Variants in WIPF2 observed in about 807,000 individuals in gnomAD.
The protein encoded by WIPF2 is WAS/WASL interacting protein family member 2.
WIPF2 carries 23 observed loss-of-function variants against 38.8 expected under a neutral mutation model. That is an observed-to-expected ratio of 0.59 (90% CI 0.43 to 0.84). The LOEUF (loss-of-function observed/expected upper bound fraction) is 0.84, where lower values mean the gene tolerates loss of function less well. WIPF2 is among the 40% of genes least tolerant of loss of function. WIPF2 has a pLI of 0.00. For missense variants in WIPF2, 574 were observed against 580.5 expected (o/e 0.99, Z 0.11); for synonymous variants, 210 against 223.2 (o/e 0.94, Z 0.53).
intron 5 of WIPF2, among the ~76,000 whole-genome samples, chr17:40,273,272 C>T (rs1209584530): frequency 1.3e-5 from 2 of 152,060 alleles, no homozygotes; most frequent in Admixed American, 6.6e-5. Flanking sequence ...TGAGCTCAGG[C>T]AATCCTCCCG....
In WIPF2 at chr17:40,280,882, A is replaced by G. The variant is rs1378932360; in HGVS notation, c.*2657A>G. 1 of 152,544 alleles carries G rather than the reference A, an allele frequency of 6.6e-6. No homozygotes were observed. Among genetic ancestry groups the G allele is most frequent in the Non-Finnish European group, 1.5e-5 (1 of 68,012 alleles). The allele number at this position is 152,544 out of a possible 1,614,324, so 9.4% of individuals were successfully genotyped here. ...TAGTCAGATGAGTTTTTTTTAGAGC[A>G]TGTTGATGATACAACACCTGTTTAA... On this transcript the variant is annotated 3_prime_UTR_variant, in exon 8 of 8. Coordinates refer to ENST00000323571, the MANE Select transcript of WIPF2 (RefSeq NM_133264.5).
chr17:40,262,404 A>G (rs1268697776), intron 3 of WIPF2, 121 bp from the exon 4 acceptor site: 2 of 746,724 alleles, frequency 2.7e-6, no homozygotes, highest in Non-Finnish European at 2.2e-6. Flanking sequence ...ATAGAAGGGC[A>G]AAAACAAGAC....
intron 1 of WIPF2, among the ~76,000 whole-genome samples, chr17:40,251,512 CAT>C (rs1414257767): frequency 2.0e-5 from 3 of 152,084 alleles, no homozygotes; most frequent in Non-Finnish European, 4.4e-5. Flanking sequence ...TTCTTGGAAA[CAT>C]ATAGAGAACT....
rs2031461613 is a variant in WIPF2 at position 40,248,802 on chromosome 17, C to T, written c.-69-7589C>T. Among the ~76,000 whole-genome samples the T allele has an allele frequency of 2.6e-5, 4 of 152,174 alleles. No homozygotes were observed. The South Asian group carries it at 8.3e-4, about 32-fold the overall frequency. Reference sequence around the variant, plus strand: ...TGTTGTGGTTTTTTCAGAGAGGATCCTGAAATTTGTTTTACCTATCTCTGT... The same window carrying T: ...TGTTGTGGTTTTTTCAGAGAGGATCTTGAAATTTGTTTTACCTATCTCTGT... On this transcript the variant is annotated intron_variant, in intron 1 of 7. Coordinates refer to ENST00000323571, the MANE Select transcript of WIPF2 (RefSeq NM_133264.5).
intron 5 of WIPF2, among the ~76,000 whole-genome samples, chr17:40,272,285 C>T (rs2032273248): frequency 6.6e-6 from 1 of 152,138 alleles, no homozygotes; most frequent in South Asian, 2.1e-4. Context: ...TCCCAAAGTG[C>T]TGGGATTACA....
chr17:40,282,063 C>G lies in WIPF2; in HGVS notation c.*3838C>G, dbSNP rs893483911. ...ACAACTCTGCCTTCAAGACTCATCTCTTAAAAACAAAACGAAACAAAACTA... is the reference window on the plus strand; with the variant it reads ...ACAACTCTGCCTTCAAGACTCATCTGTTAAAAACAAAACGAAACAAAACTA... On this transcript the variant is annotated 3_prime_UTR_variant, in exon 8 of 8. Transcript: ENST00000323571. 3.1e-5 allele frequency: 4 copies of G among 130,062 alleles called. No individual in the cohort carries two copies. The highest frequency in any genetic ancestry group is 1.2e-4 in the African/African-American group (4 of 33,002). 8.1% of individuals were successfully genotyped at this position (130,062 alleles called of 1,614,324 possible).
intron 5 of WIPF2, among the ~76,000 whole-genome samples, chr17:40,271,254 A>T (rs1178242805): frequency 6.6e-6 from 1 of 152,110 alleles, no homozygotes; most frequent in Admixed American, 6.6e-5. Flanking sequence ...GGGATTACAG[A>T]TGTGAGCCAC....
chr17:40,273,497 A>G (rs1310191564), intron 5 of WIPF2: 6 of 385,030 alleles, frequency 1.6e-5, no homozygotes, highest in Non-Finnish European at 2.8e-5. Flanking sequence ...GAACAGGCTA[A>G]ATATAAGGAA....
At position 40,264,980 on chromosome 17, in the gene WIPF2, C is replaced by A. The variant is rs2032039495; in HGVS notation, c.804C>A (p.Pro268=). The A allele has an allele frequency of 6.2e-7, 1 of 1,614,084 alleles. No individual in the cohort carries two copies. The highest frequency in any genetic ancestry group is 1.7e-5 in the Admixed American group (1 of 60,004). The part of the protein sequence containing the change: ...PPGVPNGPSS[P]TNESAPELPQ... Reference sequence around the variant, plus strand: ...GGGTCCCCAATGGACCCTCTAGCCCCACTAATGAGTCAGCCCCTGAGCTGC... The same window carrying A: ...GGGTCCCCAATGGACCCTCTAGCCCAACTAATGAGTCAGCCCCTGAGCTGC... Residue 268 remains proline (P), a synonymous_variant, in exon 5 of 8, where the codon CCC becomes CCA. Transcript: ENST00000323571.
At position 40,261,669 on chromosome 17, in the gene WIPF2, T is replaced by G. The variant is rs1341920296; in HGVS notation, c.197-856T>G. On this transcript the variant is annotated intron_variant, in intron 3 of 7. Transcript: ENST00000323571. ...GAAGATCGGCCACTTGTTGTTGTTG[T>G]TTTTTTTTTTTGGTTTTTTTTGTTT... Among the ~76,000 whole-genome samples the G allele has an allele frequency of 8.1e-5, 11 of 134,994 alleles. 1 individual carries two copies. Among genetic ancestry groups the G allele is most frequent in the Admixed American group, 3.0e-4 (4 of 13,378 alleles). The allele number at this position is 134,994 out of a possible 152,430, so 88.6% of individuals were successfully genotyped here.
intron 1 of WIPF2, among the ~76,000 whole-genome samples, chr17:40,253,842 A>T (rs1316652547): frequency 6.6e-6 from 1 of 151,808 alleles, no homozygotes; most frequent in African/African-American, 2.4e-5. Context: ...ATCAAATTCT[A>T]CTCTCCTGCA....
At position 40,279,726 on chromosome 17, in the gene WIPF2, G is replaced by A. The variant is rs367978769; in HGVS notation, c.*1501G>A. On this transcript the variant is annotated 3_prime_UTR_variant, in exon 8 of 8. Coordinates refer to ENST00000323571, the MANE Select transcript of WIPF2 (RefSeq NM_133264.5). The stretch of plus-strand genomic sequence containing the variant: ...GCTATGTGTAGAGGGTGCTCAGAGC[G>A]TGGCATGAGAGCAAGGAGACCATGG... 7.9e-5 allele frequency: 12 copies of A among 152,258 alleles called. No individual in the cohort carries two copies. The East Asian group carries it at 2.3e-3, about 29-fold the overall frequency. 9.4% of individuals were successfully genotyped at this position (152,258 alleles called of 1,614,324 possible).
intron 5 of WIPF2, among the ~76,000 whole-genome samples, chr17:40,266,024 C>CA (rs2032075472): frequency 6.6e-6 from 1 of 151,912 alleles, no homozygotes; most frequent in South Asian, 2.1e-4. Flanking sequence ...TATCAGACTC[C>CA]AAAGTTGAGG....
intron 4 of WIPF2, among the ~76,000 whole-genome samples, chr17:40,264,215 C>CCCAG (rs1261600119): frequency 6.6e-6 from 1 of 151,140 alleles, no homozygotes; most frequent in East Asian, 2.0e-4. Flanking sequence ...CACCTGTAAT[C>CCCAG]CCAGCTACTC....
At chr17:40,250,914 C>CTTTTTTTTTTTTTTTTTT (rs1020649049) in intron 1 of WIPF2, among the ~76,000 whole-genome samples, 1 of 90,348 alleles carries the variant, frequency 1.1e-5, no homozygotes, top group Non-Finnish European at 2.2e-5. Context: ...CTATTAGATT[C>CTTTTTTTTTTTTTTTTTT]TTTTTTTTTT....
At chr17:40,277,330 C>A (rs2145418843) in intron 7 of WIPF2, 146 bp downstream of exon 7, 1 of 598,740 alleles carries the variant, frequency 1.7e-6, no homozygotes, top group East Asian at 3.1e-5. Context: ...GGGTGGATCA[C>A]GAGGTCAGGA....
At position 40,265,047 on chromosome 17, in the gene WIPF2, G is replaced by T. The variant is rs2032043190; in HGVS notation, c.871G>T (p.Val291Phe). Residue 291 changes from valine (V) to phenylalanine (F), a missense_variant, in exon 5 of 8, where the codon GTC becomes TTC. Val to Phe is a conservative substitution (Grantham distance 50). Coordinates refer to ENST00000323571, the MANE Select transcript of WIPF2 (RefSeq NM_133264.5). ...NSLHRKTPGP[V>F]RGLAPPPPTS... ...TTTGCATAGGAAGACACCAGGGCCTGTCAGAGGCCTAGCACCTCCTCCACC... is the reference window on the plus strand; with the variant it reads ...TTTGCATAGGAAGACACCAGGGCCTTTCAGAGGCCTAGCACCTCCTCCACC... 6.2e-7 allele frequency: 1 copy of T among 1,614,022 alleles called. No individual in the cohort carries two copies. The highest frequency in any genetic ancestry group is 1.3e-5 in the African/African-American group (1 of 75,028).
At chr17:40,264,377 T>C in intron 4 of WIPF2, 113 bp from the exon 5 acceptor site, 1 of 753,464 alleles carries the variant, frequency 1.3e-6, no homozygotes, top group Non-Finnish European at 2.2e-6. Context: ...CCCAGAATTA[T>C]TCAATTCCTT....
intron 1 of WIPF2, among the ~76,000 whole-genome samples, chr17:40,233,015 T>C (rs1000328016): frequency 1.3e-5 from 2 of 152,188 alleles, no homozygotes; most frequent in Non-Finnish European, 2.9e-5. Context: ...GTTGCTCTCA[T>C]ATTTGCCCTC....
Sources: allele counts gnomAD v4.1 joint callset (sites outside exome capture counted in the v4.1 genomes callset), GRCh38; gene constraint gnomAD v4.1.1; transcripts MANE v1.5; gene names NCBI Gene and HGNC (gene_info 2026-07-23, HGNC 2026-07-21).